The following ARNT2 variants were observed in gnomAD, a reference collection of about 807,000 sequenced individuals.
ARNT2 encodes ARNT protein 2.
A neutral mutation model predicts 91.7 loss-of-function variants in ARNT2; 36 were observed. The observed-to-expected ratio is 0.39, with a 90% CI of 0.30 to 0.52. The LOEUF is 0.52. Among genes scored for constraint, ARNT2 ranks in the 20% least tolerant of loss-of-function variants. The pLI is 0.72. For missense variants in ARNT2, 775 were observed against 939.3 expected (o/e 0.83, Z 2.29); for synonymous variants, 365 against 347.1 (o/e 1.05, Z -0.57).
At position 80,576,859 on chromosome 15, in the gene ARNT2, T is replaced by C. The variant is rs561053305; in HGVS notation, c.1514-7T>C. ...TTCGCATGTGACTCCTGCTCTGGTT[T>C]TCCTAGCGGAGAAGAAGATGATGAG... On this transcript the variant is annotated splice_polypyrimidine_tract_variant and splice_region_variant and intron_variant, in intron 14 of 18. Coordinates refer to ENST00000303329, the MANE Select transcript of ARNT2 (RefSeq NM_014862.4). 3 of 1,613,988 alleles carry C rather than the reference T, an allele frequency of 1.9e-6. No homozygotes were observed. The highest frequency in any genetic ancestry group is 1.7e-5 in the Admixed American group (1 of 60,028).
intron 9 of ARNT2, among the ~76,000 whole-genome samples, chr15:80,551,741 C>G (rs1254088991): frequency 6.6e-6 from 1 of 152,068 alleles, no homozygotes; most frequent in East Asian, 1.9e-4. Flanking sequence ...TCCTTGTTCT[C>G]CTTCTTCTCC....
At chr15:80,485,018 G>T (rs1431605217) in intron 5 of ARNT2, among the ~76,000 whole-genome samples, 1 of 152,228 alleles carries the variant, frequency 6.6e-6, no homozygotes, top group East Asian at 1.9e-4. Context: ...GGCATTCAAT[G>T]ACATATGGGA....
At chr15:80,564,518 A>T (rs979845493) in intron 12 of ARNT2, among the ~76,000 whole-genome samples, 1 of 137,496 alleles carries the variant, frequency 7.3e-6, no homozygotes, top group Non-Finnish European at 1.7e-5. Flanking sequence ...CAGAGGGCCA[A>T]TGACCTGGAT....
chr15:80,412,487 C>G (rs926519811), intron 1 of ARNT2, among the ~76,000 whole-genome samples: 1 of 119,848 alleles, frequency 8.3e-6, no homozygotes, highest in East Asian at 2.7e-4. Flanking sequence ...AGACTTTTTT[C>G]TAAATATTGT....
chr15:80,409,248 G>A (rs1249615330), intron 1 of ARNT2, among the ~76,000 whole-genome samples: 2 of 152,110 alleles, frequency 1.3e-5, no homozygotes, highest in South Asian at 2.1e-4. Context: ...TCCCACTTCC[G>A]AATTCTTGGC....
At chr15:80,519,684 C>CTTTT (rs1172255165) in intron 8 of ARNT2, among the ~76,000 whole-genome samples, 4 of 121,264 alleles carry the variant, frequency 3.3e-5, no homozygotes, top group Non-Finnish European at 6.8e-5. Context: ...AGGTATGTAG[C>CTTTT]TTTTTTTTTT....
intron 1 of ARNT2, among the ~76,000 whole-genome samples, chr15:80,437,926 C>T (rs1029737389): frequency 7.3e-6 from 1 of 136,490 alleles, no homozygotes; most frequent in Admixed American, 7.0e-5. Flanking sequence ...TTTACCTACA[C>T]ACACACACAC....
chr15:80,451,185 C>G (rs1896384138), intron 2 of ARNT2, among the ~76,000 whole-genome samples, 191 bp downstream of exon 2: 1 of 152,252 alleles, frequency 6.6e-6, no homozygotes. Context: ...CGGCACCCAG[C>G]TGGGGACTTC....
intron 8 of ARNT2, among the ~76,000 whole-genome samples, chr15:80,535,563 T>C (rs1178032861): frequency 3.9e-5 from 6 of 152,260 alleles, no homozygotes; most frequent in African/African-American, 1.4e-4. Context: ...GTTCATGCTG[T>C]GTGCCCATTT....
intron 8 of ARNT2, among the ~76,000 whole-genome samples, chr15:80,542,546 C>T (rs1897925824): frequency 6.6e-6 from 1 of 152,132 alleles, no homozygotes; most frequent in Admixed American, 6.5e-5. Context: ...AGTGTCACTT[C>T]CACTGTATTT....
intron 3 of ARNT2, among the ~76,000 whole-genome samples, chr15:80,462,367 G>A (rs1228861495): frequency 6.6e-6 from 1 of 152,198 alleles, no homozygotes; most frequent in Non-Finnish European, 1.5e-5. Context: ...TGCTCATCGT[G>A]TGCCTTACGT....
chr15:80,478,603 G>A (rs939153446), intron 5 of ARNT2, among the ~76,000 whole-genome samples: 9 of 152,200 alleles, frequency 5.9e-5, no homozygotes, highest in Admixed American at 3.9e-4. Context: ...GGAGAAGTGG[G>A]TTCTTATTCT....
chr15:80,545,893 G>A (rs996780046), intron 8 of ARNT2, among the ~76,000 whole-genome samples: 8 of 152,146 alleles, frequency 5.3e-5, no homozygotes, highest in South Asian at 2.1e-4. Context: ...CCTTCACCCC[G>A]GAAGGATACA....
At chr15:80,454,375 G>A (rs1896450896) in intron 2 of ARNT2, among the ~76,000 whole-genome samples, 1 of 152,144 alleles carries the variant, frequency 6.6e-6, no homozygotes, top group Admixed American at 6.5e-5. Flanking sequence ...GGATGTGTCA[G>A]TCCCTTTCCA....
chr15:80,569,127 A>G (rs1036335243), intron 12 of ARNT2, among the ~76,000 whole-genome samples: 2 of 152,184 alleles, frequency 1.3e-5, no homozygotes, highest in African/African-American at 4.8e-5. Flanking sequence ...AGTTACTCCC[A>G]GGGACATGAT....
At chr15:80,523,309 G>C (rs1455830302) in intron 8 of ARNT2, among the ~76,000 whole-genome samples, 1 of 152,196 alleles carries the variant, frequency 6.6e-6, no homozygotes, top group African/African-American at 2.4e-5. Flanking sequence ...CAGGCTTTCA[G>C]GGGTACAAAC....
At chr15:80,496,306 G>A (rs1280103977) in intron 5 of ARNT2, among the ~76,000 whole-genome samples, 1 of 152,128 alleles carries the variant, frequency 6.6e-6, no homozygotes, top group African/African-American at 2.4e-5. Context: ...CCTTCTCCCT[G>A]CTCCCAGCTT....
intron 12 of ARNT2, among the ~76,000 whole-genome samples, chr15:80,567,030 G>T (rs1010142977): frequency 1.3e-5 from 2 of 152,204 alleles, no homozygotes; most frequent in African/African-American, 4.8e-5. Context: ...AAGCAGAGAG[G>T]TACCACCTCT....
chr15:80,489,701 T>G (rs1897025618), intron 5 of ARNT2, among the ~76,000 whole-genome samples: 1 of 152,200 alleles, frequency 6.6e-6, no homozygotes, highest in African/African-American at 2.4e-5. Flanking sequence ...ACTGGAACAG[T>G]GCACTTGTAC....
Sources: gnomAD v4.1 joint callset for allele counts (sites outside exome capture counted in the v4.1 genomes callset) on GRCh38, gnomAD v4.1.1 for gene constraint, MANE v1.5 for transcripts, NCBI Gene and HGNC (gene_info 2026-07-23, HGNC 2026-07-21) for gene names.